SBK1: variants seen among roughly 807,000 people sequenced by gnomAD.
SBK1 encodes SH3 domain binding kinase 1.
Under a neutral mutation model 24.4 loss-of-function variants are expected in SBK1, and 11 were observed. That is an observed-to-expected ratio of 0.45 (90% CI 0.28 to 0.75). The LOEUF (loss-of-function observed/expected upper bound fraction) is 0.75, where lower values mean the gene tolerates loss of function less well. Ranked by LOEUF, SBK1 falls within the 30% of genes least tolerant of loss-of-function variation. SBK1 has a pLI of 0.12. For synonymous variants in SBK1, 308 were observed against 284.4 expected (o/e 1.08, Z -0.83); for missense variants, 467 against 620.5 (o/e 0.75, Z 2.63).
At chr16:28,267,729 G>T (rs2044438477) in intron 1 of SBK1, among the ~76,000 whole-genome samples, 1 of 152,228 alleles carries the variant, frequency 6.6e-6, no homozygotes, top group South Asian at 2.1e-4. Context: ...ACAGGCCAAG[G>T]AGTATAATCT....
At chr16:28,282,563 CTG>C (rs1249583988) in intron 1 of SBK1, among the ~76,000 whole-genome samples, 1 of 152,116 alleles carries the variant, frequency 6.6e-6, no homozygotes, top group Non-Finnish European at 1.5e-5. Flanking sequence ...AAGGCACAGA[CTG>C]TGATTTTTAG....
At chr16:28,310,232 G>A (rs940824389) in intron 1 of SBK1, among the ~76,000 whole-genome samples, 3 of 152,252 alleles carry the variant, frequency 2.0e-5, no homozygotes, top group African/African-American at 4.8e-5. Flanking sequence ...CCTCTTGAGT[G>A]TGGGTGGATG....
chr16:28,307,739 CA>C (rs34787009), intron 1 of SBK1, among the ~76,000 whole-genome samples: 13,190 of 63,932 alleles, frequency 0.21, 528 homozygotes, highest in East Asian at 0.28. Flanking sequence ...GACTCAGTCT[CA>C]AAAAAAAAAA....
At chr16:28,288,072 A>G (rs2044577301), upstream of SBK1, among the ~76,000 whole-genome samples, 1 of 152,164 alleles carries the variant, frequency 6.6e-6, no homozygotes, top group African/African-American at 2.4e-5. Flanking sequence ...GAAGCTGGGA[A>G]GATCATCAGA....
intron 1 of SBK1, among the ~76,000 whole-genome samples, chr16:28,283,014 A>T (rs7202923): frequency 0.59 from 89,653 of 151,420 alleles, 26,978 homozygotes; most frequent in African/African-American, 0.63. Context: ...CTCACTGCAA[A>T]CTCTGCCTCC....
rs1409751842 is a variant in SBK1, at chr16:28,292,539, G to C, written c.-769G>C. ...GGCGGAGCCGCGATGCCGCGATGGA[G>C]CGCAGCCCGGGCGGGCGCCGGGGCC... is the stretch of plus-strand genomic sequence containing the variant. On this transcript the variant is annotated 5_prime_UTR_variant, in exon 1 of 4. Transcript: ENST00000341901. 2 of 979,096 alleles carry C rather than the reference G, an allele frequency of 2.0e-6. No homozygotes were observed. Among genetic ancestry groups the C allele is most frequent in the Admixed American group, 6.4e-5 (1 of 15,736 alleles). The allele number at this position is 979,096 out of a possible 1,614,324, so 60.7% of individuals were successfully genotyped here. A position where few individuals can be genotyped will look rare whatever the true frequency, so the allele number is the denominator to read the frequency against.
chr16:28,302,732 G>T (rs1272129415), intron 1 of SBK1, among the ~76,000 whole-genome samples: 1 of 152,150 alleles, frequency 6.6e-6, no homozygotes, highest in Non-Finnish European at 1.5e-5. Context: ...CTCCTCAGAG[G>T]TTAATTCATT....
chr16:28,267,905 T>G (rs1408795998), intron 1 of SBK1, among the ~76,000 whole-genome samples: 1 of 152,182 alleles, frequency 6.6e-6, no homozygotes, highest in African/African-American at 2.4e-5. Context: ...CCCAGCGCTT[T>G]GGGAGGCTGA....
chr16:28,281,315 C>T (rs965118099), intron 1 of SBK1, among the ~76,000 whole-genome samples: 5 of 152,186 alleles, frequency 3.3e-5, no homozygotes, highest in Non-Finnish European at 5.9e-5. Flanking sequence ...CAGCCTGCCT[C>T]CTCCGGGCCA....
rs1470099548 is a variant in SBK1 at position 28,323,483 on chromosome 16, T to C, written c.*2562T>C. On this transcript the variant is annotated 3_prime_UTR_variant, in exon 4 of 4. Transcript: ENST00000341901. ...CTTCGGTGCTTCCCAGAGACCCCTCTGAGCTGGCCTGTGGGGCACGGGAAG... is the reference window on the plus strand; with the variant it reads ...CTTCGGTGCTTCCCAGAGACCCCTCCGAGCTGGCCTGTGGGGCACGGGAAG... 6.5e-6 allele frequency: 1 copy of C among 152,832 alleles called. No homozygotes were observed. Among genetic ancestry groups the C allele is most frequent in the Non-Finnish European group, 1.5e-5 (1 of 68,134 alleles). 9.5% of individuals were successfully genotyped at this position (152,832 alleles called of 1,614,324 possible). A position where few individuals can be genotyped will look rare whatever the true frequency, so the allele number is the denominator to read the frequency against.
rs537674866 is a variant in SBK1 at position 28,292,793 on chromosome 16, G to T, written c.-515G>T. The T allele has an allele frequency of 4.1e-6, 4 of 984,722 alleles. No homozygotes were observed. Among genetic ancestry groups the T allele is most frequent in the South Asian group, 9.4e-5 (2 of 21,256 alleles). 61.0% of individuals were successfully genotyped at this position (984,722 alleles called of 1,614,324 possible). On this transcript the variant is annotated 5_prime_UTR_variant, in exon 1 of 4. It adds an upstream start codon to the 5' untranslated region. Coordinates refer to ENST00000341901, the MANE Select transcript of SBK1 (RefSeq NM_001024401.3). ...AGGATCCGGCGAGCCTCGGGGAAGA[G>T]GGGGGGCCCTCCCGGATCCGACACC...
Position 28,319,282 on chromosome 16 carries a change from T to A in SBK1, c.429+85T>A. 9.7e-7 allele frequency: 1 copy of A among 1,034,976 alleles called. No homozygotes were observed. The highest frequency in any genetic ancestry group is 1.5e-6 in the Non-Finnish European group (1 of 673,602). 64.1% of individuals were successfully genotyped at this position (1,034,976 alleles called of 1,614,324 possible). On this transcript the variant is annotated intron_variant, in intron 3 of 3. Coordinates refer to ENST00000341901, the MANE Select transcript of SBK1 (RefSeq NM_001024401.3). This position sits in a 1 kb window ranked among gnomAD's most constrained non-coding sequence, Gnocchi z 4.0. ...TGGGAGTGGAGTCAGACCATTTAATTAACAAGTATTTACTGGGTGCCTGCT... is the reference window on the plus strand; with the variant it reads ...TGGGAGTGGAGTCAGACCATTTAATAAACAAGTATTTACTGGGTGCCTGCT...
At chr16:28,315,160 C>G (rs1244087530) in intron 1 of SBK1, among the ~76,000 whole-genome samples, 1 of 151,794 alleles carries the variant, frequency 6.6e-6, no homozygotes, top group Non-Finnish European at 1.5e-5. Flanking sequence ...AGGCTCATCC[C>G]CCATAGTCTA....
chr16:28,317,186 G>C lies in SBK1; in HGVS notation c.-7-199G>C, dbSNP rs934486598. Reference sequence around the variant, plus strand: ...CAGGGTCTGGCAGTGACTGGTCTTCGGGGAGCTGACTCAGGCCTGGCCCCT... The same window carrying C: ...CAGGGTCTGGCAGTGACTGGTCTTCCGGGAGCTGACTCAGGCCTGGCCCCT... On this transcript the variant is annotated intron_variant, in intron 1 of 3. Coordinates refer to ENST00000341901, the MANE Select transcript of SBK1 (RefSeq NM_001024401.3). This position sits in a 1 kb window ranked among gnomAD's most constrained non-coding sequence, Gnocchi z 4.2. 6.6e-6 allele frequency among the ~76,000 whole-genome samples: 1 copy of C among 152,102 alleles called. No homozygotes were observed. The highest frequency in any genetic ancestry group is 2.4e-5 in the African/African-American group (1 of 41,414).
intron 1 of SBK1, among the ~76,000 whole-genome samples, chr16:28,268,512 C>A (rs576908288): frequency 9.9e-5 from 15 of 151,852 alleles, no homozygotes; most frequent in African/African-American, 3.4e-4. Flanking sequence ...CCTGTAATCC[C>A]AGCACTTTGG....
At chr16:28,307,739 C>CA (rs34787009) in intron 1 of SBK1, among the ~76,000 whole-genome samples, 3,608 of 63,632 alleles carry the variant, frequency 0.057, 175 homozygotes, top group African/African-American at 0.13. Context: ...GACTCAGTCT[C>CA]AAAAAAAAAA....
In SBK1 at chr16:28,308,210, G is replaced by A. The variant is rs1293381596; in HGVS notation, c.-7-9175G>A. Among the ~76,000 whole-genome samples, 3 of 152,120 alleles carry A rather than the reference G, an allele frequency of 2.0e-5. No individual in the cohort carries two copies. The East Asian group carries it at 5.8e-4, about 29-fold the overall frequency. ...CTGTCACCCAGGCTGGAGTGCAATG[G>A]CACAATCTCAGCTCACTGCCAGCTC... On this transcript the variant is annotated intron_variant, in intron 1 of 3. Transcript: ENST00000341901.
At chr16:28,279,057 C>G (rs967511028) in intron 1 of SBK1, among the ~76,000 whole-genome samples, 3 of 151,994 alleles carry the variant, frequency 2.0e-5, no homozygotes, top group African/African-American at 7.2e-5. Flanking sequence ...CAAACCCGCT[C>G]TCTACCAGAT....
chr16:28,315,459 C>T (rs1350538384), intron 1 of SBK1, among the ~76,000 whole-genome samples: 3 of 152,130 alleles, frequency 2.0e-5, no homozygotes, highest in Admixed American at 6.6e-5. Context: ...TTCACTGTCA[C>T]CCACATGACA....
Sources: gnomAD v4.1 joint callset for allele counts (sites outside exome capture counted in the v4.1 genomes callset) on GRCh38, gnomAD v4.1.1 for gene constraint, Gnocchi (gnomAD v3.1) non-coding constraint, MANE v1.5 for transcripts, NCBI Gene and HGNC (gene_info 2026-07-23, HGNC 2026-07-21) for gene names.